Variants in USP34 observed in about 807,000 individuals in gnomAD.
The protein encoded by USP34 is ubiquitin carboxyl-terminal hydrolase 34.
In USP34, 70 loss-of-function variants were observed where a neutral mutation model predicts 460.3. The observed-to-expected ratio is 0.15, with a 90% confidence interval of 0.13 to 0.19. The LOEUF is 0.19. Among genes scored for constraint, USP34 ranks in the 10% least tolerant of loss-of-function variants. The pLI is 1.00. For missense variants in USP34, 3,985 were observed against 4,236.2 expected (o/e 0.94, Z 1.65); for synonymous variants, 1,647 against 1,405.3 (o/e 1.17, Z -3.85).
In USP34 at chr2:61,188,962, C is replaced by T. The variant is rs770124669; in HGVS notation, c.9981G>A (p.Leu3327=). The T allele has an allele frequency of 1.9e-6, 3 of 1,614,162 alleles. No homozygotes were observed. The highest frequency in any genetic ancestry group is 2.2e-5 in the East Asian group (1 of 44,880). The change falls in exon 79 of 80, where the codon CTG becomes CTA. Residue 3327 remains leucine, a synonymous_variant. Transcript: ENST00000398571. ...QELLSKCRTC[L]QQRNSLQEQE... Reference sequence around the variant, plus strand: ...GCTCTTGGAGTGAGTTTCTCTGTTGCAGACAAGTCCTGCATTTGCTTAAAA... The same window carrying T: ...GCTCTTGGAGTGAGTTTCTCTGTTGTAGACAAGTCCTGCATTTGCTTAAAA...
intron 41 of USP34, among the ~76,000 whole-genome samples, chr2:61,266,800 T>G (rs1284382617): frequency 6.6e-6 from 1 of 152,200 alleles, no homozygotes; most frequent in African/African-American, 2.4e-5. Flanking sequence ...ACTGAGACTC[T>G]TGATACCCAC....
chr2:61,470,754 G>GGGGGGAGGGGAGAGA lies in USP34; in HGVS notation c.-77_-63dup. Reference sequence around the variant, plus strand: ...TCACACTGACTGATCCCGACCGGCGGGGGGGAGGGGAGAGAGGCGGAGGAG... The same window carrying GGGGGGAGGGGAGAGA: ...TCACACTGACTGATCCCGACCGGCGGGGGGGAGGGGAGAGAGGGGGAGGGGAGAGAGGCGGAGGAG... On this transcript the variant is annotated 5_prime_UTR_variant, in exon 1 of 80. Transcript: ENST00000398571. The GGGGGGAGGGGAGAGA allele has an allele frequency of 1.4e-6, 2 of 1,466,178 alleles. No homozygotes were observed. Among genetic ancestry groups the GGGGGGAGGGGAGAGA allele is most frequent in the Non-Finnish European group, 1.9e-6 (2 of 1,070,462 alleles). 90.8% of individuals were successfully genotyped at this position (1,466,178 alleles called of 1,614,324 possible). A position where few individuals can be genotyped will look rare whatever the true frequency, so the allele number is the denominator to read the frequency against.
intron 68 of USP34, among the ~76,000 whole-genome samples, chr2:61,213,490 C>G (rs921443963): frequency 1.3e-5 from 2 of 152,110 alleles, no homozygotes; most frequent in African/African-American, 4.8e-5. Context: ...GGTTTGACAG[C>G]TTTACATCGA....
chr2:61,243,899 A>C (rs1372376572), intron 51 of USP34, among the ~76,000 whole-genome samples: 5 of 151,904 alleles, frequency 3.3e-5, no homozygotes, highest in Non-Finnish European at 7.4e-5. Flanking sequence ...TCTAGGCATA[A>C]CATCTACAGA....
At chr2:61,265,144 T>C (rs974449655) in intron 43 of USP34, 4 of 315,726 alleles carry the variant, frequency 1.3e-5, no homozygotes, top group Middle Eastern at 8.6e-4. Context: ...CAACATGATA[T>C]TCATTGTATA....
At chr2:61,243,456 T>G (rs1179061655) in intron 51 of USP34, among the ~76,000 whole-genome samples, 1 of 152,062 alleles carries the variant, frequency 6.6e-6, no homozygotes. Flanking sequence ...CTCAAAACAT[T>G]TTTTAAAGAT....
chr2:61,342,630 G>C (rs1039736533), intron 16 of USP34, among the ~76,000 whole-genome samples: 1 of 151,768 alleles, frequency 6.6e-6, no homozygotes, highest in Non-Finnish European at 1.5e-5. Context: ...CCATTTCTAT[G>C]TATCATCTTT....
intron 10 of USP34, among the ~76,000 whole-genome samples, chr2:61,358,719 C>G (rs1385984404): frequency 6.6e-6 from 1 of 152,048 alleles, no homozygotes; most frequent in Non-Finnish European, 1.5e-5. Context: ...TATAGAAAAT[C>G]CTAAAGAATC....
intron 41 of USP34, among the ~76,000 whole-genome samples, chr2:61,270,728 G>A (rs1019857474): frequency 2.8e-4 from 42 of 152,032 alleles, no homozygotes; most frequent in African/African-American, 4.8e-4. Flanking sequence ...GAGCCACTGC[G>A]CCTGGCCCAG....
chr2:61,401,882 A>T (rs1693732367), intron 3 of USP34, among the ~76,000 whole-genome samples: 1 of 151,134 alleles, frequency 6.6e-6, no homozygotes, highest in Non-Finnish European at 1.5e-5. Flanking sequence ...TTTTCCCTAT[A>T]CTTAGAAAAA....
At chr2:61,385,997 CAA>C (rs58518474) in intron 5 of USP34, among the ~76,000 whole-genome samples, 32 of 99,372 alleles carry the variant, frequency 3.2e-4, no homozygotes, top group Admixed American at 6.6e-4. Context: ...ACTCTGTCTC[CAA>C]AAAAAAAAAA....
chr2:61,262,630 A>G (rs191569162), intron 43 of USP34, among the ~76,000 whole-genome samples: 3 of 152,282 alleles, frequency 2.0e-5, no homozygotes, highest in African/African-American at 7.2e-5. Flanking sequence ...TAGTGTGAAC[A>G]CTGCTGTGGT....
chr2:61,464,229 G>A (rs936827500), intron 1 of USP34, among the ~76,000 whole-genome samples: 2 of 152,132 alleles, frequency 1.3e-5, no homozygotes, highest in Admixed American at 6.6e-5. Context: ...TGAGGCAGGA[G>A]AATCACTTGA....
At chr2:61,222,803 C>T in intron 64 of USP34, 140 bp from the exon 65 acceptor site, 4 of 784,300 alleles carry the variant, frequency 5.1e-6, no homozygotes, top group Non-Finnish European at 8.3e-6. Context: ...CTCAAGCGAT[C>T]CTCCTGCCTC....
chr2:61,205,329 C>G (rs1254968162), intron 72 of USP34, among the ~76,000 whole-genome samples: 1 of 152,164 alleles, frequency 6.6e-6, no homozygotes, highest in Admixed American at 6.5e-5. Flanking sequence ...GAATAAATCT[C>G]ACGATGACAG....
At chr2:61,388,877 ATAG>A (rs778260337) in intron 5 of USP34, among the ~76,000 whole-genome samples, 28 of 152,172 alleles carry the variant, frequency 1.8e-4, no homozygotes, top group Non-Finnish European at 3.5e-4. Context: ...CAAAACACAC[ATAG>A]AAGAATGCTG....
chr2:61,213,703 C>T (rs758916875), intron 68 of USP34, among the ~76,000 whole-genome samples: 16 of 152,092 alleles, frequency 1.1e-4, no homozygotes, highest in Non-Finnish European at 1.5e-4. Context: ...GTAGATTTTG[C>T]TAAGTATCTG....
Position 61,348,862 on chromosome 2 carries a change from C to T in USP34, c.1568G>A (p.Ser523Asn). 1 of 1,612,700 alleles carries T rather than the reference C, an allele frequency of 6.2e-7. No homozygotes were observed. The highest frequency in any genetic ancestry group is 8.5e-7 in the Non-Finnish European group (1 of 1,179,486). ...TTGATGTGTATCGCTATTATCACTG[C>T]TTTGAGGACTAGCTGCAGGTGACCC... is the stretch of plus-strand genomic sequence containing the variant. ...SPWSPAASPQ[S>N]SDNSDTHQSG... The change falls in exon 14 of 80, where the codon AGC becomes AAC. Residue 523 changes from serine to asparagine, a missense_variant. Around this residue, in one of 14 missense-constraint regions of USP34, gnomAD observed 716 missense variants for 626.2 expected, o/e 1.14. Transcript: ENST00000398571.
chr2:61,188,891 A>G lies in USP34; in HGVS notation c.10033+19T>C, dbSNP rs1403726846. The G allele has an allele frequency of 6.2e-7, 1 of 1,613,652 alleles. No homozygotes were observed. Among genetic ancestry groups the G allele is most frequent in the Admixed American group, 1.7e-5 (1 of 59,954 alleles). The stretch of plus-strand genomic sequence containing the variant: ...CTCCTCCCACCCTAAAGGTAATGAT[A>G]GTAGTCCATAAAGCTAACCTTTAGT... On this transcript the variant is annotated intron_variant, in intron 79 of 79. Transcript: ENST00000398571.
Sources: gnomAD v4.1 joint callset for allele counts (sites outside exome capture counted in the v4.1 genomes callset) on GRCh38, gnomAD v4.1.1 for gene constraint, gnomAD v4.1.1 regional missense constraint, MANE v1.5 for transcripts, NCBI Gene and HGNC (gene_info 2026-07-23, HGNC 2026-07-21) for gene names.